CPEB1: variants seen among roughly 807,000 people sequenced by gnomAD.
The protein encoded by CPEB1 is cytoplasmic polyadenylation element binding protein 1.
CPEB1 carries 7 observed loss-of-function variants against 65.8 expected under a neutral mutation model. The observed-to-expected ratio is 0.11, with a 90% confidence interval of 0.06 to 0.20. The LOEUF (loss-of-function observed/expected upper bound fraction) is 0.20. CPEB1 is among the 10% of genes least tolerant of loss of function. CPEB1 has a pLI of 1.00. For missense variants in CPEB1, 551 were observed against 712.2 expected, an observed-to-expected ratio of 0.77 and a Z score of 2.58; for synonymous variants, 262 against 260.0, an observed-to-expected ratio of 1.01 and a Z score of -0.08.
At chr15:82,591,271 T>C (rs71412257) in intron 3 of CPEB1, among the ~76,000 whole-genome samples, 1 of 152,212 alleles carries the variant, frequency 6.6e-6, no homozygotes, top group Admixed American at 6.5e-5. Flanking sequence ...TTTTGTTTTG[T>C]TGTGTTGTGA....
At chr15:82,584,593 G>A (rs1393266509) in intron 3 of CPEB1, among the ~76,000 whole-genome samples, 1 of 150,262 alleles carries the variant, frequency 6.7e-6, no homozygotes, top group Non-Finnish European at 1.5e-5. Flanking sequence ...CAGGAGAATC[G>A]CTTGAACCTG....
At chr15:82,604,571 C>G (rs1259002333) in intron 3 of CPEB1, among the ~76,000 whole-genome samples, 1 of 150,274 alleles carries the variant, frequency 6.7e-6, no homozygotes, top group African/African-American at 2.4e-5. Context: ...GAGAATATTA[C>G]TAAAGAGACA....
intron 1 of CPEB1, chr15:82,629,447 C>T (rs1341361123): frequency 2.4e-5 from 23 of 966,254 alleles, no homozygotes; most frequent in Admixed American, 6.3e-5. Context: ...AAAAAGAACT[C>T]CTATATATAT....
upstream of CPEB1, chr15:82,647,694 C>T: frequency 2.1e-6 from 1 of 487,368 alleles, no homozygotes; most frequent in Non-Finnish European, 3.1e-6. Flanking sequence ...CACCCCTCCA[C>T]GAGGCCCCAC....
intron 3 of CPEB1, among the ~76,000 whole-genome samples, chr15:82,592,676 C>A (rs1227552351): frequency 6.6e-6 from 1 of 151,756 alleles, no homozygotes; most frequent in Non-Finnish European, 1.5e-5. Context: ...TTTTAAAACA[C>A]TTCATTGCTA....
chr15:82,645,099 G>A (rs1214372538), intron 1 of CPEB1, among the ~76,000 whole-genome samples: 1 of 152,180 alleles, frequency 6.6e-6, no homozygotes, highest in Non-Finnish European at 1.5e-5. Context: ...CCCACACATG[G>A]GAGCCTAGAC....
chr15:82,566,495 A>C (rs1400294331), intron 4 of CPEB1, among the ~76,000 whole-genome samples: 1 of 152,144 alleles, frequency 6.6e-6, no homozygotes. Flanking sequence ...CTGTGACCCC[A>C]AATCTGCAAC....
intron 3 of CPEB1, among the ~76,000 whole-genome samples, chr15:82,594,834 TTG>T (rs2042552213): frequency 7.3e-6 from 1 of 137,612 alleles, no homozygotes; most frequent in African/African-American, 2.9e-5. Flanking sequence ...TTCAATTTTG[TTG>T]TGTGTCAGGA....
At chr15:82,645,588 A>T (rs1422564009) in intron 1 of CPEB1, among the ~76,000 whole-genome samples, 4 of 152,130 alleles carry the variant, frequency 2.6e-5, no homozygotes, top group Admixed American at 2.0e-4. Context: ...AGCGAAACTC[A>T]GCCAGGCAAG....
At chr15:82,580,769 T>C (rs1338030778) in intron 3 of CPEB1, among the ~76,000 whole-genome samples, 1 of 152,166 alleles carries the variant, frequency 6.6e-6, no homozygotes, top group Non-Finnish European at 1.5e-5. Flanking sequence ...AATTATACAA[T>C]ATTTTTCCTT....
intron 3 of CPEB1, among the ~76,000 whole-genome samples, chr15:82,577,060 A>G (rs944712484): frequency 2.0e-5 from 3 of 152,312 alleles, no homozygotes; most frequent in African/African-American, 7.2e-5. Context: ...GCATTATAGT[A>G]GAAATTTTTT....
intron 5 of CPEB1, 188 bp from the exon 6 acceptor site, chr15:82,556,310 T>C: frequency 1.6e-6 from 1 of 612,372 alleles, no homozygotes. Flanking sequence ...GCTCCTTCTC[T>C]CCTCATTCAA....
chr15:82,562,883 C>A (rs1478591224), intron 4 of CPEB1, among the ~76,000 whole-genome samples: 1 of 150,414 alleles, frequency 6.6e-6, no homozygotes, highest in South Asian at 2.1e-4. Context: ...AGTTCTCACA[C>A]TAAAATGGTA....
At position 82,611,076 on chromosome 15, in the gene CPEB1, C is replaced by A. The variant is rs146824617; in HGVS notation, c.271+16117G>T. On this transcript the variant is annotated intron_variant, in intron 3 of 12. Coordinates refer to ENST00000684509, the MANE Select transcript of CPEB1 (RefSeq NM_001365242.1). ...CATCATATTTAATGGTGAATGAAGT[C>A]TGCTCTCTTCACTTCTATTCAAAAC... Among the ~76,000 whole-genome samples the A allele has an allele frequency of 2.5e-4, 37 of 149,454 alleles. 2 individuals are homozygous for A. The East Asian group carries it at 6.3e-3, about 26-fold the overall frequency.
intron 10 of CPEB1, among the ~76,000 whole-genome samples, chr15:82,548,358 A>C (rs976504360): frequency 6.6e-6 from 1 of 152,118 alleles, no homozygotes; most frequent in Non-Finnish European, 1.5e-5. Flanking sequence ...ATTTAACCCT[A>C]TATGTTAATA....
chr15:82,647,997 G>T, upstream of CPEB1: 3 of 701,950 alleles, frequency 4.3e-6, no homozygotes, highest in Non-Finnish European at 5.9e-6. Context: ...AGCTTATGAA[G>T]CTCCTACGAG....
At chr15:82,596,039 A>G (rs533791808) in intron 3 of CPEB1, among the ~76,000 whole-genome samples, 1 of 152,350 alleles carries the variant, frequency 6.6e-6, no homozygotes, top group South Asian at 2.1e-4. Context: ...AATTCCATAG[A>G]ACACATGACC....
chr15:82,564,133 T>G (rs2038704537), intron 4 of CPEB1, among the ~76,000 whole-genome samples: 1 of 152,176 alleles, frequency 6.6e-6, no homozygotes, highest in Non-Finnish European at 1.5e-5. Context: ...CCAATAGCAA[T>G]TAGCTCAACA....
chr15:82,543,941 G>C lies in CPEB1; in HGVS notation c.*651C>G, dbSNP rs1041969802. ...GCTGCCAGGAAAGAAAAAATATCTT[G>C]TTCCAAACGACTTAAAAACTGTTTT... On this transcript the variant is annotated 3_prime_UTR_variant, in exon 13 of 13. Coordinates refer to ENST00000684509, the MANE Select transcript of CPEB1 (RefSeq NM_001365242.1). The C allele has an allele frequency of 6.6e-6, 1 of 152,208 alleles. No homozygotes were observed. The highest frequency in any genetic ancestry group is 6.5e-5 in the Admixed American group (1 of 15,270). 9.4% of individuals were successfully genotyped at this position (152,208 alleles called of 1,614,324 possible).
Sources: gnomAD v4.1 joint callset for allele counts (sites outside exome capture counted in the v4.1 genomes callset) on GRCh38, gnomAD v4.1.1 for gene constraint, MANE v1.5 for transcripts, NCBI Gene and HGNC (gene_info 2026-07-23, HGNC 2026-07-21) for gene names.